The following POM121C variants were observed in gnomAD, a reference collection of about 807,000 sequenced individuals.
The protein encoded by POM121C is POM121 transmembrane nucleoporin C.
POM121C carries 20 observed loss-of-function variants against 66.4 expected under a neutral mutation model. The ratio of observed to expected loss-of-function variants is 0.30; its 90% CI spans 0.21 to 0.44. The LOEUF (loss-of-function observed/expected upper bound fraction) is 0.44. Among genes scored for constraint, POM121C ranks in the 20% least tolerant of loss-of-function variants. POM121C has a pLI of 1.00. For synonymous variants in POM121C, 286 were observed against 528.0 expected, an observed-to-expected ratio of 0.54 and a Z score of 6.28; for missense variants, 580 against 1,225.7, an observed-to-expected ratio of 0.47 and a Z score of 7.87.
Position 75,449,782 on chromosome 7 carries a change from G to A in POM121C, c.-151-8135C>T, listed in dbSNP as rs587621258. Among the ~76,000 whole-genome samples the A allele has an allele frequency of 6.4e-4, 97 of 152,226 alleles. 1 individual carries two copies. The East Asian group carries it at 0.016, about 24-fold the overall frequency. On this transcript the variant is annotated intron_variant, in intron 3 of 14. Transcript: ENST00000615331. ...TATAATCCCAGCACTTTGGGAGGCT[G>A]AGGCAGGCAGATCGCCTGAAGTTAG...
intron 1 of POM121C, among the ~76,000 whole-genome samples, chr7:75,476,015 C>T (rs1271091846): frequency 1.3e-5 from 2 of 152,094 alleles, no homozygotes; most frequent in African/African-American, 4.8e-5. Flanking sequence ...CATGGTGGCT[C>T]ATGCCTATAA....
Position 75,419,414 on chromosome 7 carries a change from G to A in POM121C, c.2772C>T (p.Asn924=). Residue 924 remains asparagine, a synonymous_variant, in exon 14 of 15, where the codon AAC becomes AAT. Coordinates refer to ENST00000615331, the MANE Select transcript of POM121C (RefSeq NM_001099415.3). ...GGTATPTFGQ[N]TPAPGVGTSG... is the part of the protein sequence containing the mutation. The stretch of plus-strand genomic sequence containing the variant: ...ATGTGCCCACTCCAGGCGCAGGGGT[G>A]TTCTGACCAAAGGTGGGGGTGGCGG... 2.5e-6 allele frequency: 4 copies of A among 1,613,762 alleles called. No homozygotes were observed. Among genetic ancestry groups the A allele is most frequent in the African/African-American group, 2.7e-5 (2 of 75,052 alleles).
At chr7:75,420,106 C>G (rs1554470405) in intron 13 of POM121C, 2 of 152,340 alleles carry the variant, frequency 1.3e-5, no homozygotes, top group Non-Finnish European at 2.9e-5. Flanking sequence ...CCAGGTCACT[C>G]CCTGATTCAC....
Position 75,449,876 on chromosome 7 carries a change from G to A in POM121C, c.-151-8229C>T, listed in dbSNP as rs587760836. Among the ~76,000 whole-genome samples, 8 of 152,202 alleles carry A rather than the reference G, an allele frequency of 5.3e-5. No individual in the cohort carries two copies. The East Asian group carries it at 9.7e-4, about 18-fold the overall frequency. ...CTAAAAATACAAAAATTAGCCAGGC[G>A]TGGTGGCAGGTGCCTGTAATCCCAG... On this transcript the variant is annotated intron_variant, in intron 3 of 14. Transcript: ENST00000615331.
In POM121C at chr7:75,453,030, C is replaced by G. The variant is rs587620804; in HGVS notation, c.-151-11383G>C. Among the ~76,000 whole-genome samples the G allele has an allele frequency of 3.3e-5, 5 of 152,198 alleles. No homozygotes were observed. In the South Asian group the frequency reaches 6.2e-4, roughly 19 times the overall value. ...GCAGAAACAGGTGTGTGCTTCCAGG[C>G]GCACAGACACCAACTGTATGACACC... On this transcript the variant is annotated intron_variant, in intron 3 of 14. Coordinates refer to ENST00000615331, the MANE Select transcript of POM121C (RefSeq NM_001099415.3).
At chr7:75,447,721 T>TAA (rs1326314222) in intron 3 of POM121C, among the ~76,000 whole-genome samples, 2 of 141,542 alleles carry the variant, frequency 1.4e-5, no homozygotes, top group African/African-American at 2.6e-5. Context: ...ACCCTGTCTC[T>TAA]AAAAAAAAAA....
At chr7:75,482,773 C>T (rs1462132730) in intron 1 of POM121C, among the ~76,000 whole-genome samples, 2 of 151,852 alleles carry the variant, frequency 1.3e-5, no homozygotes, top group Non-Finnish European at 2.9e-5. Context: ...TTTTTAAAAG[C>T]CAAGAAAAGA....
At chr7:75,456,718 A>G (rs1427572011) in intron 3 of POM121C, among the ~76,000 whole-genome samples, 12 of 152,416 alleles carry the variant, frequency 7.9e-5, no homozygotes, top group African/African-American at 2.6e-4. Context: ...TATTGCCGCT[A>G]AAATGAGAAG....
At chr7:75,466,533 A>G (rs587605166) in intron 3 of POM121C, among the ~76,000 whole-genome samples, 44 of 152,112 alleles carry the variant, frequency 2.9e-4, no homozygotes, top group African/African-American at 9.4e-4. Context: ...TGAACCCAGG[A>G]GGTGGAGGTT....
At chr7:75,421,456 G>A (rs1292868272) in intron 13 of POM121C, 53 bp downstream of exon 13, 5 of 1,608,622 alleles carry the variant, frequency 3.1e-6, no homozygotes, top group Admixed American at 1.7e-5. Context: ...AGGCTTCACA[G>A]GCACAGCTTT....
intron 3 of POM121C, among the ~76,000 whole-genome samples, chr7:75,450,720 T>C (rs1481745132): frequency 6.6e-6 from 1 of 152,232 alleles, no homozygotes; most frequent in Non-Finnish European, 1.5e-5. Context: ...TCACTAAACG[T>C]ATGTACTACT....
At chr7:75,478,427 A>T (rs1354790241) in intron 1 of POM121C, among the ~76,000 whole-genome samples, 1 of 151,572 alleles carries the variant, frequency 6.6e-6, no homozygotes, top group African/African-American at 2.4e-5. Flanking sequence ...GAGTTGTGGG[A>T]TGGGAAAATG....
chr7:75,439,388 T>G (rs587598190), intron 5 of POM121C, among the ~76,000 whole-genome samples, 164 bp from the exon 6 acceptor site: 1 of 127,654 alleles, frequency 7.8e-6, no homozygotes, highest in East Asian at 2.0e-4. Context: ...GAAAGGTAAA[T>G]TTTTTTTTTT....
intron 7 of POM121C, among the ~76,000 whole-genome samples, chr7:75,430,013 T>C (rs1554472151): frequency 6.6e-6 from 1 of 152,080 alleles, no homozygotes; most frequent in African/African-American, 2.4e-5. Context: ...TCTCAAAAGT[T>C]AAATAAAGAA....
intron 6 of POM121C, 81 bp from the exon 7 acceptor site, chr7:75,437,767 T>C (rs1239905602): frequency 6.7e-7 from 1 of 1,481,722 alleles, no homozygotes; most frequent in African/African-American, 1.4e-5. Flanking sequence ...GACATCTTTC[T>C]TAATAACATG....
chr7:75,440,830 A>G lies in POM121C; in HGVS notation c.227+124T>C. The G allele has an allele frequency of 2.0e-6, 3 of 1,520,266 alleles. No individual in the cohort carries two copies. The South Asian group carries it at 3.6e-5, about 18-fold the overall frequency. The allele number at this position is 1,520,266 out of a possible 1,614,324, so 94.2% of individuals were successfully genotyped here. On this transcript the variant is annotated intron_variant, in intron 5 of 14. Transcript: ENST00000615331. Reference sequence around the variant, plus strand: ...TTATTAGGTTCTCTCATGAAAGCCAAAGAAGGAGGCCTATGAAGGCTCACA... The same window carrying G: ...TTATTAGGTTCTCTCATGAAAGCCAGAGAAGGAGGCCTATGAAGGCTCACA...
At chr7:75,480,497 C>T (rs587735136) in intron 1 of POM121C, among the ~76,000 whole-genome samples, 19 of 152,196 alleles carry the variant, frequency 1.2e-4, no homozygotes, top group Non-Finnish European at 1.8e-4. Context: ...ATCTCATTAA[C>T]ATTTATCAAT....
chr7:75,446,806 G>A (rs1790825366), intron 3 of POM121C, among the ~76,000 whole-genome samples: 3 of 151,674 alleles, frequency 2.0e-5, no homozygotes, highest in Admixed American at 6.6e-5. Flanking sequence ...TCAGGAGATC[G>A]AGACCATCCT....
intron 5 of POM121C, 80 bp downstream of exon 5, chr7:75,440,874 T>C: frequency 6.2e-7 from 1 of 1,610,716 alleles, no homozygotes; most frequent in Non-Finnish European, 8.5e-7. Context: ...GTGGCCTCTG[T>C]ATCTTTACGG....
Sources: gnomAD v4.1 joint callset for allele counts (sites outside exome capture counted in the v4.1 genomes callset) on GRCh38, gnomAD v4.1.1 for gene constraint, MANE v1.5 for transcripts, NCBI Gene and HGNC (gene_info 2026-07-23, HGNC 2026-07-21) for gene names.